Variants in CSGALNACT1 observed in about 807,000 individuals in gnomAD.
CSGALNACT1 encodes chondroitin sulfate N-acetylgalactosaminyltransferase 1.
A neutral mutation model predicts 51.0 loss-of-function variants in CSGALNACT1; 52 were observed. That is an observed-to-expected ratio of 1.02 (90% CI 0.82 to 1.29). The LOEUF (loss-of-function observed/expected upper bound fraction) is 1.29. CSGALNACT1 is among the 50% of genes most tolerant of loss of function. CSGALNACT1 has a pLI of 0.00. For missense variants in CSGALNACT1, 935 were observed against 679.2 expected (o/e 1.38, Z -4.19); for synonymous variants, 341 against 254.4 (o/e 1.34, Z -3.24).
intron 6 of CSGALNACT1, among the ~76,000 whole-genome samples, chr8:19,428,894 A>G (rs1353433070): frequency 6.7e-6 from 1 of 150,284 alleles, no homozygotes; most frequent in Admixed American, 6.6e-5. Context: ...CTGTGTATTT[A>G]TATGTATACT....
At chr8:19,520,554 G>T (rs2080450432) in intron 3 of CSGALNACT1, among the ~76,000 whole-genome samples, 1 of 152,186 alleles carries the variant, frequency 6.6e-6, no homozygotes, top group East Asian at 1.9e-4. Context: ...AACATTTCAA[G>T]ATTTCATGCC....
intron 6 of CSGALNACT1, among the ~76,000 whole-genome samples, chr8:19,428,746 G>A (rs572093878): frequency 6.6e-6 from 1 of 152,026 alleles, no homozygotes; most frequent in Non-Finnish European, 1.5e-5. Flanking sequence ...CAGAGGGAAA[G>A]TATGCCTGGC....
At chr8:19,600,761 T>C (rs1292775603) in intron 2 of CSGALNACT1, among the ~76,000 whole-genome samples, 2 of 151,916 alleles carry the variant, frequency 1.3e-5, no homozygotes, top group African/African-American at 4.8e-5. Flanking sequence ...AGTTCATTAA[T>C]GCAAAATCAA....
intron 1 of CSGALNACT1, among the ~76,000 whole-genome samples, chr8:19,646,276 CGA>C (rs1170153767): frequency 1.1e-4 from 17 of 152,188 alleles, no homozygotes; most frequent in East Asian, 9.6e-4. Flanking sequence ...ATGACCTTGC[CGA>C]GAGAGAAAGA....
chr8:19,444,628 C>G (rs758631028), intron 5 of CSGALNACT1, among the ~76,000 whole-genome samples: 8 of 152,220 alleles, frequency 5.3e-5, no homozygotes, highest in Non-Finnish European at 1.2e-4. Flanking sequence ...TCCTTGAGCT[C>G]TAAATGCAGA....
chr8:19,581,506 C>G (rs1288443660), intron 3 of CSGALNACT1, among the ~76,000 whole-genome samples: 1 of 152,174 alleles, frequency 6.6e-6, no homozygotes, highest in Non-Finnish European at 1.5e-5. Context: ...ACTCGGGAGG[C>G]TTAGGCAGGA....
chr8:19,449,951 A>T (rs2062801544), intron 5 of CSGALNACT1, among the ~76,000 whole-genome samples: 1 of 151,336 alleles, frequency 6.6e-6, no homozygotes, highest in African/African-American at 2.4e-5. Flanking sequence ...AACAAAACAG[A>T]CAATGAAGTA....
At chr8:19,437,630 C>G (rs2060592959) in intron 6 of CSGALNACT1, among the ~76,000 whole-genome samples, 1 of 152,154 alleles carries the variant, frequency 6.6e-6, no homozygotes, top group Admixed American at 6.5e-5. Flanking sequence ...ATTTTATTCC[C>G]TATGCAACTA....
chr8:19,536,434 A>T (rs1381023582), intron 3 of CSGALNACT1, among the ~76,000 whole-genome samples: 1 of 152,184 alleles, frequency 6.6e-6, no homozygotes, highest in East Asian at 1.9e-4. Context: ...ACTAAAAAAA[A>T]TTTAAATACT....
intron 6 of CSGALNACT1, among the ~76,000 whole-genome samples, chr8:19,430,070 C>CT (rs1425063826): frequency 6.6e-6 from 1 of 152,126 alleles, no homozygotes; most frequent in Admixed American, 6.6e-5. Flanking sequence ...ATTGGGTTGT[C>CT]TTTTTACTGT....
Position 19,609,725 on chromosome 8 carries a change from C to T in CSGALNACT1, c.-543-7860G>A, listed in dbSNP as rs1201937837. Among the ~76,000 whole-genome samples the T allele has an allele frequency of 2.6e-5, 4 of 152,066 alleles. No individual in the cohort carries two copies. The East Asian group carries it at 5.8e-4, about 22-fold the overall frequency. On this transcript the variant is annotated intron_variant, in intron 1 of 9. Transcript: ENST00000332246. ...TCAGATTACTGACGGGCACATGAAACCTTTTCTGGGGATGTATATATTTTC... is the reference window on the plus strand; with the variant it reads ...TCAGATTACTGACGGGCACATGAAATCTTTTCTGGGGATGTATATATTTTC...
intron 3 of CSGALNACT1, among the ~76,000 whole-genome samples, chr8:19,520,680 A>G (rs966778377): frequency 5.3e-5 from 8 of 152,336 alleles, no homozygotes; most frequent in Admixed American, 3.3e-4. Context: ...TTCCACTAAT[A>G]TGTTCCCTCT....
intron 6 of CSGALNACT1, among the ~76,000 whole-genome samples, chr8:19,423,076 A>C (rs972684028): frequency 6.6e-6 from 1 of 152,214 alleles, no homozygotes; most frequent in Non-Finnish European, 1.5e-5. Context: ...CTCATAATTC[A>C]GGTACCTTCT....
chr8:19,625,060 C>T (rs1043470334), intron 1 of CSGALNACT1, among the ~76,000 whole-genome samples: 4 of 152,298 alleles, frequency 2.6e-5, no homozygotes, highest in East Asian at 1.9e-4. Context: ...GCCTAATCAA[C>T]GACTGAACCA....
At chr8:19,459,382 C>CAAAA (rs377411028) in intron 4 of CSGALNACT1, among the ~76,000 whole-genome samples, 3 of 69,186 alleles carry the variant, frequency 4.3e-5, no homozygotes, top group African/African-American at 5.8e-5. Context: ...AACTTTATCT[C>CAAAA]AAAAAAAAAA....
intron 3 of CSGALNACT1, among the ~76,000 whole-genome samples, chr8:19,522,100 C>T (rs1053201384): frequency 6.6e-6 from 1 of 152,162 alleles, no homozygotes; most frequent in South Asian, 2.1e-4. Flanking sequence ...CACAGAAAGG[C>T]TTGTCTTATA....
At chr8:19,568,730 T>C (rs1203534743) in intron 3 of CSGALNACT1, among the ~76,000 whole-genome samples, 2 of 152,182 alleles carry the variant, frequency 1.3e-5, no homozygotes, top group South Asian at 2.1e-4. Flanking sequence ...CCAACAGATA[T>C]ATGGTGCCAA....
intron 1 of CSGALNACT1, among the ~76,000 whole-genome samples, chr8:19,719,659 G>C (rs1476403622): frequency 1.3e-5 from 2 of 152,148 alleles, no homozygotes; most frequent in African/African-American, 4.8e-5. Flanking sequence ...TCCCCTCTTG[G>C]TATAAAGCTT....
Position 19,593,158 on chromosome 8 carries a change from G to T in CSGALNACT1, c.-415-1880C>A, listed in dbSNP as rs572512261. ...CCTGCACCACAGCTAAAGAATGTACGATATGTATCAGAAATACGTGGGCTT... is the reference window on the plus strand; with the variant it reads ...CCTGCACCACAGCTAAAGAATGTACTATATGTATCAGAAATACGTGGGCTT... On this transcript the variant is annotated intron_variant, in intron 2 of 9. Coordinates refer to ENST00000454498, the Ensembl canonical transcript of CSGALNACT1. Among the ~76,000 whole-genome samples the T allele has an allele frequency of 8.5e-5, 13 of 152,296 alleles. No individual in the cohort carries two copies. In the South Asian group the frequency reaches 2.3e-3, roughly 27 times the overall value.
Sources: allele counts gnomAD v4.1 joint callset (sites outside exome capture counted in the v4.1 genomes callset), GRCh38; gene constraint gnomAD v4.1.1; transcripts MANE v1.5; gene names NCBI Gene and HGNC (gene_info 2026-07-23, HGNC 2026-07-21).